Variants in DPH6 observed in about 807,000 individuals in gnomAD.
DPH6 encodes diphthine--ammonia ligase.
DPH6 carries 33 observed loss-of-function variants against 38.2 expected under a neutral mutation model. The observed-to-expected ratio is 0.86, with a 90% CI of 0.65 to 1.15. The LOEUF (loss-of-function observed/expected upper bound fraction) is 1.15, where lower values mean the gene tolerates loss of function less well. Among genes scored for constraint, DPH6 ranks in the 50% most tolerant of loss-of-function variants. The probability of loss-of-function intolerance (pLI) is 0.00; values close to 1 mark genes in which losing one functional copy is unlikely to be tolerated. For synonymous variants in DPH6, 108 were observed against 103.0 expected (o/e 1.05, Z -0.30); for missense variants, 325 against 320.0 (o/e 1.02, Z -0.12).
intron 5 of DPH6, among the ~76,000 whole-genome samples, chr15:35,415,855 T>C (rs2053429239): frequency 6.6e-6 from 1 of 152,012 alleles, no homozygotes. Flanking sequence ...TTAGAGATCA[T>C]TTCACTACAA....
intron 3 of DPH6, among the ~76,000 whole-genome samples, chr15:35,488,539 C>A (rs1354519360): frequency 1.3e-5 from 2 of 152,080 alleles, no homozygotes; most frequent in Non-Finnish European, 2.9e-5. Flanking sequence ...ACCATCAGAT[C>A]TCATGAGAAC....
chr15:35,218,259 A>G (rs2051421514), exon 4 of DPH6: 1 of 152,252 alleles, frequency 6.6e-6, no homozygotes, highest in African/African-American at 2.4e-5. Flanking sequence ...AAGAAATAAC[A>G]TAGTATTTGT....
intron 3 of DPH6, among the ~76,000 whole-genome samples, chr15:35,289,561 T>C (rs2140444332): frequency 6.6e-6 from 1 of 152,354 alleles, no homozygotes. Context: ...AAGAATCTCA[T>C]ATTATTGTTC....
At chr15:35,324,420 A>G (rs1243873701) in intron 3 of DPH6, among the ~76,000 whole-genome samples, 1 of 152,172 alleles carries the variant, frequency 6.6e-6, no homozygotes, top group Admixed American at 6.5e-5. Context: ...AGAATATAAT[A>G]CAGATAAGTG....
At chr15:35,481,304 A>G (rs567767243) in intron 3 of DPH6, among the ~76,000 whole-genome samples, 85 of 152,330 alleles carry the variant, frequency 5.6e-4, no homozygotes, top group African/African-American at 1.9e-3. Context: ...GGGGATTTCA[A>G]CAGTCTGTCA....
rs1471869349 is a variant in DPH6, at chr15:35,227,838, T to C, written n.201-7256A>G. The stretch of plus-strand genomic sequence containing the variant: ...TATGATGTATTTCCATTACCATTTG[T>C]TTCAAAAAATTTTTCAATTTTCTTC... On this transcript the variant is annotated intron_variant and non_coding_transcript_variant, in intron 3 of 3. Coordinates refer to the DPH6 transcript ENST00000560386. Among the ~76,000 whole-genome samples, 4 of 152,204 alleles carry C rather than the reference T, an allele frequency of 2.6e-5. No homozygotes were observed. The East Asian group carries it at 7.7e-4, about 29-fold the overall frequency.
At chr15:35,306,574 T>C (rs943359472) in intron 3 of DPH6, among the ~76,000 whole-genome samples, 6 of 152,342 alleles carry the variant, frequency 3.9e-5, no homozygotes, top group Non-Finnish European at 5.9e-5. Context: ...TCTAAACCTA[T>C]TGCCTTAACA....
chr15:35,463,247 G>A (rs1220874272), intron 3 of DPH6, among the ~76,000 whole-genome samples: 1 of 152,014 alleles, frequency 6.6e-6, no homozygotes, highest in Non-Finnish European at 1.5e-5. Flanking sequence ...TGTTATCAGT[G>A]CATCCTTTCT....
At chr15:35,309,756 T>TGA (rs1379204208) in intron 3 of DPH6, among the ~76,000 whole-genome samples, 1 of 152,234 alleles carries the variant, frequency 6.6e-6, no homozygotes, top group Admixed American at 6.5e-5. Flanking sequence ...ATCTTAAAAG[T>TGA]GATTCCTCAC....
At chr15:35,441,783 C>T (rs1289152275) in intron 5 of DPH6, among the ~76,000 whole-genome samples, 3 of 133,438 alleles carry the variant, frequency 2.2e-5, no homozygotes, top group East Asian at 2.2e-4. Flanking sequence ...ATGTTCTGCA[C>T]GTGTATCCCA....
chr15:35,389,494 C>T (rs2053021229), intron 6 of DPH6, among the ~76,000 whole-genome samples: 1 of 152,174 alleles, frequency 6.6e-6, no homozygotes, highest in African/African-American at 2.4e-5. Flanking sequence ...TTGTAGGTCA[C>T]TAAGGACTTG....
intron 3 of DPH6, among the ~76,000 whole-genome samples, chr15:35,231,516 T>G (rs2051517512): frequency 6.6e-6 from 1 of 152,206 alleles, no homozygotes; most frequent in Non-Finnish European, 1.5e-5. Flanking sequence ...GTGCTTTTTT[T>G]GTGTGTAGAA....
At chr15:35,410,077 G>A (rs12232326) in intron 6 of DPH6, among the ~76,000 whole-genome samples, 148,590 of 151,914 alleles carry the variant, frequency 0.98, 72,753 homozygotes, top group East Asian at 1. Context: ...TATCACAGCA[G>A]TGGTATTAAC....
At chr15:35,222,349 T>A (rs1354520170) in intron 3 of DPH6, among the ~76,000 whole-genome samples, 1 of 152,204 alleles carries the variant, frequency 6.6e-6, no homozygotes, top group African/African-American at 2.4e-5. Context: ...TTTCAATCAA[T>A]TTAGAACATT....
chr15:35,188,998 G>C, the DPH6 span, among the ~76,000 whole-genome samples: 2 of 152,092 alleles, frequency 1.3e-5, no homozygotes, highest in Non-Finnish European at 2.9e-5. Context: ...TCATTATTTC[G>C]AGTTTGAAGA....
chr15:35,545,847 T>C (rs1162409449), intron 1 of DPH6, among the ~76,000 whole-genome samples: 1 of 152,140 alleles, frequency 6.6e-6, no homozygotes. Flanking sequence ...GTCGGTACTT[T>C]TTTTAATTTC....
chr15:35,169,979 A>G, the DPH6 span, among the ~76,000 whole-genome samples: 1 of 152,204 alleles, frequency 6.6e-6, no homozygotes, highest in Non-Finnish European at 1.5e-5. Context: ...TTAATTGGCA[A>G]ATATTGAATT....
chr15:35,214,111 CAA>C (rs202243463), downstream of DPH6, among the ~76,000 whole-genome samples: 11,137 of 85,358 alleles, frequency 0.13, 757 homozygotes, highest in East Asian at 0.5. Context: ...GACTCCGTCT[CAA>C]AAAAAAAAAA....
rs773267705 is a variant in DPH6, at chr15:35,283,191, C to CT, written n.201-62610dup. Among the ~76,000 whole-genome samples the CT allele has an allele frequency of 4.8e-4, 66 of 137,546 alleles. 2 individuals carry two copies. The highest frequency in any genetic ancestry group is 1.5e-3 in the African/African-American group (55 of 36,956). The allele number at this position is 137,546 out of a possible 152,430, so 90.2% of individuals were successfully genotyped here. On this transcript the variant is annotated intron_variant and non_coding_transcript_variant, in intron 3 of 3. Coordinates refer to the DPH6 transcript ENST00000560386. ...TCCCCCTCTTCCTCTTCTTTTTCTT[C>CT]TCTTCTTCTTCTTTCTTCCTCTTCC...
Sources: gnomAD v4.1 joint callset for allele counts (sites outside exome capture counted in the v4.1 genomes callset) on GRCh38, gnomAD v4.1.1 for gene constraint, MANE v1.5 for transcripts, NCBI Gene and HGNC (gene_info 2026-07-23, HGNC 2026-07-21) for gene names.